The following CPB2 variants were observed in gnomAD, a reference collection of about 807,000 sequenced individuals.
CPB2 encodes carboxypeptidase B-like protein.
In CPB2, 54 loss-of-function variants were observed where a neutral mutation model predicts 57.0. The observed-to-expected ratio is 0.95, with a 90% CI of 0.76 to 1.19. The LOEUF is 1.19. Ranked by LOEUF, CPB2 falls within the 50% of genes most tolerant of loss-of-function variation. The pLI, the probability that CPB2 is intolerant of heterozygous loss-of-function variation, is 0.00. For synonymous variants in CPB2, 189 were observed against 178.1 expected (o/e 1.06, Z -0.49); for missense variants, 426 against 512.0 (o/e 0.83, Z 1.62).
intron 1 of CPB2, among the ~76,000 whole-genome samples, chr13:46,103,222 C>G (rs2045458524): frequency 6.6e-6 from 1 of 152,196 alleles, no homozygotes; most frequent in Non-Finnish European, 1.5e-5. Context: ...GTGAGCCCAC[C>G]TGCCCGCCAA....
intron 4 of CPB2, among the ~76,000 whole-genome samples, chr13:46,079,553 A>G (rs932777240): frequency 1.4e-5 from 2 of 145,012 alleles, no homozygotes; most frequent in African/African-American, 5.5e-5. Flanking sequence ...AAAAAAAAAA[A>G]AAGAAAAGAA....
intron 5 of CPB2, among the ~76,000 whole-genome samples, chr13:46,075,319 G>T (rs1022951): frequency 3.9e-5 from 6 of 152,120 alleles, no homozygotes; most frequent in African/African-American, 1.4e-4. Flanking sequence ...GTCTGGATTC[G>T]TTACTTTACT....
In CPB2 at chr13:46,078,868, G is replaced by A. The variant is rs1220021860; in HGVS notation, c.418C>T (p.His140Tyr). The change falls in exon 5 of 11, where the codon CAT (histidine) becomes TAT (tyrosine). Residue 140 changes from histidine to tyrosine, a missense_variant. His to Tyr is a moderately conservative substitution (Grantham distance 83). Transcript: ENST00000181383. Reference sequence around the variant, plus strand: ...TGGATTTTTGTAAGCATATCAGGATGCCTCTCAGTTATAAATTCTATCCAA... The same window carrying A: ...TGGATTTTTGTAAGCATATCAGGATACCTCTCAGTTATAAATTCTATCCAA... ...YSWIEFITERHPDMLTKIHIG... is the reference protein window; with the variant it reads ...YSWIEFITERYPDMLTKIHIG... 6 of 1,611,100 alleles carry A rather than the reference G, an allele frequency of 3.7e-6. No homozygotes were observed. Among genetic ancestry groups the A allele is most frequent in the Non-Finnish European group, 5.1e-6 (6 of 1,177,616 alleles).
At chr13:46,090,187 TC>T (rs2139409020) in intron 1 of CPB2, among the ~76,000 whole-genome samples, 1 of 152,156 alleles carries the variant, frequency 6.6e-6, no homozygotes, top group South Asian at 2.1e-4. Context: ...CTTGTCTTGA[TC>T]CTTTGCTTTT....
chr13:46,099,083 T>C (rs2045402249), intron 1 of CPB2: 2 of 152,180 alleles, frequency 1.3e-5, no homozygotes, highest in Non-Finnish European at 2.9e-5. Context: ...GAGTTGGACT[T>C]CTGAGATACT....
intron 8 of CPB2, among the ~76,000 whole-genome samples, chr13:46,063,575 A>G: frequency 6.6e-6 from 1 of 152,172 alleles, no homozygotes; most frequent in Non-Finnish European, 1.5e-5. Flanking sequence ...CGCCATTGAC[A>G]GACACCTAGA....
chr13:46,086,873 G>A (rs555114476), intron 2 of CPB2, among the ~76,000 whole-genome samples: 2 of 152,326 alleles, frequency 1.3e-5, no homozygotes, highest in East Asian at 1.9e-4. Flanking sequence ...TGTCAGTACC[G>A]CTCTGATCAT....
chr13:46,081,078 C>CTGA (rs1398216195), intron 4 of CPB2, among the ~76,000 whole-genome samples: 4 of 151,566 alleles, frequency 2.6e-5, no homozygotes, highest in Non-Finnish European at 4.4e-5. Flanking sequence ...ACCAAACCTA[C>CTGA]TGACACCTTG....
At chr13:46,100,112 AG>A (rs1050424554) in intron 1 of CPB2, 2 of 152,146 alleles carry the variant, frequency 1.3e-5, no homozygotes, top group Admixed American at 1.3e-4. Context: ...GAAGGAGAAA[AG>A]TATAAAAATT....
chr13:46,081,502 A>G (rs1416673046), intron 4 of CPB2, among the ~76,000 whole-genome samples: 5 of 152,150 alleles, frequency 3.3e-5, no homozygotes, highest in Admixed American at 3.3e-4. Flanking sequence ...TGCAATTTTA[A>G]GGCCCCCTCA....
chr13:46,085,422 G>C (rs1014100861), intron 2 of CPB2, among the ~76,000 whole-genome samples: 1 of 152,148 alleles, frequency 6.6e-6, no homozygotes, highest in African/African-American at 2.4e-5. Flanking sequence ...GGTGTTTTCA[G>C]TGGCTGCCCT....
chr13:46,061,184 T>C (rs17844120), intron 8 of CPB2, among the ~76,000 whole-genome samples: 30 of 152,212 alleles, frequency 2.0e-4, no homozygotes, highest in Non-Finnish European at 3.8e-4. Flanking sequence ...TGGCAAATTT[T>C]ATATTGCATG....
At chr13:46,092,509 A>C (rs759997831) in intron 1 of CPB2, among the ~76,000 whole-genome samples, 1 of 152,222 alleles carries the variant, frequency 6.6e-6, no homozygotes, top group Non-Finnish European at 1.5e-5. Flanking sequence ...CAAATAAATC[A>C]TCTTATTTAA....
chr13:46,081,235 A>G (rs2045111549), intron 4 of CPB2, among the ~76,000 whole-genome samples: 1 of 152,208 alleles, frequency 6.6e-6, no homozygotes. Context: ...TTTCCTGAAC[A>G]TATCGTAAGA....
intron 1 of CPB2, among the ~76,000 whole-genome samples, chr13:46,095,202 T>C (rs187625781): frequency 6.6e-6 from 1 of 152,196 alleles, no homozygotes; most frequent in East Asian, 1.9e-4. Context: ...ATGAACATAC[T>C]AGGTAGTTGG....
intron 9 of CPB2, among the ~76,000 whole-genome samples, chr13:46,056,143 A>G (rs2044694187): frequency 4.6e-5 from 7 of 152,102 alleles, no homozygotes; most frequent in Admixed American, 4.6e-4. Flanking sequence ...TTGGGAACTC[A>G]TTTATTATGG....
At chr13:46,084,505 G>A (rs2045169732) in intron 2 of CPB2, among the ~76,000 whole-genome samples, 162 bp from the exon 3 acceptor site, 1 of 151,978 alleles carries the variant, frequency 6.6e-6, no homozygotes, top group African/African-American at 2.4e-5. Context: ...CATTTATTTT[G>A]CAGTGAGTTT....
chr13:46,083,660 G>A (rs1333858317), intron 3 of CPB2, among the ~76,000 whole-genome samples: 1 of 152,136 alleles, frequency 6.6e-6, no homozygotes, highest in African/African-American at 2.4e-5. Flanking sequence ...AATCCACAGG[G>A]TAGGTGCTGT....
At chr13:46,075,736 G>A (rs1029906364) in intron 5 of CPB2, among the ~76,000 whole-genome samples, 2 of 151,950 alleles carry the variant, frequency 1.3e-5, no homozygotes, top group Non-Finnish European at 2.9e-5. Context: ...GATAATATTG[G>A]GATACTGTGC....
Sources: gnomAD v4.1 joint callset for allele counts (sites outside exome capture counted in the v4.1 genomes callset) on GRCh38, gnomAD v4.1.1 for gene constraint, MANE v1.5 for transcripts, NCBI Gene and HGNC (gene_info 2026-07-23, HGNC 2026-07-21) for gene names.